Variants in EPHA3 observed in about 807,000 individuals in gnomAD.
EPHA3 encodes the protein EPH receptor A3.
EPHA3 carries 42 observed loss-of-function variants against 107.1 expected under a neutral mutation model. The observed-to-expected ratio is 0.39, with a 90% confidence interval of 0.31 to 0.51. The LOEUF (loss-of-function observed/expected upper bound fraction) is 0.51. EPHA3 is among the 20% of genes least tolerant of loss of function. The pLI is 0.78. For missense variants in EPHA3, 1,183 were observed against 1,211.2 expected (o/e 0.98, Z 0.35); for synonymous variants, 461 against 424.8 (o/e 1.09, Z -1.05).
In EPHA3 at chr3:89,252,816, G is replaced by A. The variant is rs571434842; in HGVS notation, c.814+42296G>A. Reference sequence around the variant, plus strand: ...CAATATGATTTGCAGGGAGTTTATTGTTCATTAAGATTTTTAATTTATATA... The same window carrying A: ...CAATATGATTTGCAGGGAGTTTATTATTCATTAAGATTTTTAATTTATATA... On this transcript the variant is annotated intron_variant, in intron 3 of 16. Transcript: ENST00000336596. 2.6e-4 allele frequency among the ~76,000 whole-genome samples: 39 copies of A among 150,352 alleles called. 1 individual carries two copies. In the South Asian group the frequency reaches 7.8e-3, roughly 30 times the overall value.
chr3:89,110,354 G>A (rs2106937803), intron 1 of EPHA3, among the ~76,000 whole-genome samples: 1 of 152,018 alleles, frequency 6.6e-6, no homozygotes, highest in South Asian at 2.1e-4. Flanking sequence ...GTTGTGTGAT[G>A]TGTTTTTTAA....
At chr3:89,329,910 G>C (rs1375337745) in intron 3 of EPHA3, among the ~76,000 whole-genome samples, 8 of 151,612 alleles carry the variant, frequency 5.3e-5, no homozygotes, top group Non-Finnish European at 1.0e-4. Context: ...ATAGAGGCAA[G>C]TTTTTAAAAA....
At chr3:89,405,173 AGTTGAGG>A (rs923250407) in intron 7 of EPHA3, among the ~76,000 whole-genome samples, 31 of 152,132 alleles carry the variant, frequency 2.0e-4, no homozygotes, top group African/African-American at 7.0e-4. Flanking sequence ...AAGAAGAAAG[AGTTGAGG>A]AGGGGAAGCC....
At chr3:89,243,068 T>C (rs1704945696) in intron 3 of EPHA3, among the ~76,000 whole-genome samples, 1 of 152,050 alleles carries the variant, frequency 6.6e-6, no homozygotes, top group Admixed American at 6.6e-5. Context: ...TCCATGTCCC[T>C]ACAAAGGACA....
chr3:89,478,553 GC>G (rs1314164239), intron 16 of EPHA3, among the ~76,000 whole-genome samples: 3 of 152,150 alleles, frequency 2.0e-5, no homozygotes. Flanking sequence ...GGGATTGTAG[GC>G]CAAGGTGCTT....
intron 13 of EPHA3, among the ~76,000 whole-genome samples, chr3:89,436,340 T>C (rs1471212512): frequency 6.6e-6 from 1 of 152,192 alleles, no homozygotes; most frequent in Non-Finnish European, 1.5e-5. Context: ...TCCTTTTGGA[T>C]AAGAGATCCT....
chr3:89,385,488 C>A (rs1297936204), intron 5 of EPHA3, among the ~76,000 whole-genome samples: 1 of 152,164 alleles, frequency 6.6e-6, no homozygotes, highest in Non-Finnish European at 1.5e-5. Context: ...TTCCTGCTGC[C>A]ATGTGAAGGA....
chr3:89,253,163 G>A (rs1256846715), intron 3 of EPHA3, among the ~76,000 whole-genome samples: 1 of 151,906 alleles, frequency 6.6e-6, no homozygotes, highest in African/African-American at 2.4e-5. Context: ...AAAAAGCAAA[G>A]TTTTCCCTGT....
At chr3:89,453,396 C>G (rs1303126309) in intron 15 of EPHA3, among the ~76,000 whole-genome samples, 2 of 152,088 alleles carry the variant, frequency 1.3e-5, no homozygotes, top group African/African-American at 4.8e-5. Context: ...TCATAATTCA[C>G]TTTTCCACTC....
chr3:89,250,449 C>T (rs1216973448), intron 3 of EPHA3, among the ~76,000 whole-genome samples: 1 of 152,090 alleles, frequency 6.6e-6, no homozygotes, highest in African/African-American at 2.4e-5. Flanking sequence ...CCTTTATCTA[C>T]CCTATTATCA....
intron 9 of EPHA3, among the ~76,000 whole-genome samples, chr3:89,412,372 A>G (rs1709171722): frequency 6.6e-6 from 1 of 151,640 alleles, no homozygotes; most frequent in Non-Finnish European, 1.5e-5. Flanking sequence ...TAAATTACAT[A>G]TATGACTTAC....
intron 2 of EPHA3, among the ~76,000 whole-genome samples, chr3:89,171,727 C>A (rs1451123719): frequency 1.3e-5 from 2 of 152,104 alleles, no homozygotes; most frequent in Non-Finnish European, 2.9e-5. Context: ...AATATGATAT[C>A]ATCCCAAAGG....
rs1709557684 is a variant in EPHA3 at position 89,431,091 on chromosome 3, A to C, written c.2137-59A>C. On this transcript the variant is annotated intron_variant, in intron 12 of 16. Coordinates refer to ENST00000336596, the MANE Select transcript of EPHA3 (RefSeq NM_005233.6). ...TCAATATGTGAGATTTTAACCAATAAAGATATATCTTTAAGAAATAGGAAC... is the reference window on the plus strand; with the variant it reads ...TCAATATGTGAGATTTTAACCAATACAGATATATCTTTAAGAAATAGGAAC... The C allele has an allele frequency of 7.1e-6, 11 of 1,539,956 alleles. No homozygotes were observed. The South Asian group carries it at 1.2e-4, about 16-fold the overall frequency.
intron 2 of EPHA3, among the ~76,000 whole-genome samples, chr3:89,190,180 T>C (rs1361396228): frequency 1.3e-5 from 2 of 152,142 alleles, no homozygotes; most frequent in Non-Finnish European, 2.9e-5. Flanking sequence ...CCTTTACTTA[T>C]TTTTTTAACA....
At chr3:89,435,357 C>G (rs1232439136) in intron 13 of EPHA3, among the ~76,000 whole-genome samples, 6 of 150,290 alleles carry the variant, frequency 4.0e-5, no homozygotes, top group African/African-American at 2.4e-5. Flanking sequence ...CTTGACACTT[C>G]GAGAGGCCAA....
At chr3:89,419,980 C>T (rs893465615) in intron 11 of EPHA3, among the ~76,000 whole-genome samples, 1 of 151,358 alleles carries the variant, frequency 6.6e-6, no homozygotes, top group African/African-American at 2.4e-5. Context: ...GAAGCTCTGG[C>T]TCACAGCCCA....
chr3:89,322,252 A>G (rs1707060915), intron 3 of EPHA3, among the ~76,000 whole-genome samples: 1 of 152,094 alleles, frequency 6.6e-6, no homozygotes, highest in African/African-American at 2.4e-5. Context: ...ATGATCACCT[A>G]AAAGAGCCTG....
chr3:89,128,921 C>T, intron 2 of EPHA3, among the ~76,000 whole-genome samples: 1 of 152,084 alleles, frequency 6.6e-6, no homozygotes, highest in Middle Eastern at 3.4e-3. Flanking sequence ...ATAGAGTTGG[C>T]ACATCTACTT....
At chr3:89,284,666 G>A (rs1487282259) in intron 3 of EPHA3, among the ~76,000 whole-genome samples, 1 of 151,954 alleles carries the variant, frequency 6.6e-6, no homozygotes, top group Non-Finnish European at 1.5e-5. Context: ...CCCTTCAATG[G>A]CACTTTCTTT....
Sources: allele counts gnomAD v4.1 joint callset (sites outside exome capture counted in the v4.1 genomes callset), GRCh38; gene constraint gnomAD v4.1.1; transcripts MANE v1.5; gene names NCBI Gene and HGNC (gene_info 2026-07-23, HGNC 2026-07-21).